Variants in SEMA3G observed in about 807,000 individuals in gnomAD.
SEMA3G encodes semaphorin-3G.
In SEMA3G, 70 loss-of-function variants were observed where a neutral mutation model predicts 86.2. The observed-to-expected ratio is 0.81, with a 90% CI of 0.67 to 0.99. The LOEUF (loss-of-function observed/expected upper bound fraction) is 0.99, where lower values mean the gene tolerates loss of function less well. Among genes scored for constraint, SEMA3G ranks in the 50% least tolerant of loss-of-function variants. The pLI is 0.00. For synonymous variants in SEMA3G, 416 were observed against 441.4 expected (o/e 0.94, Z 0.72); for missense variants, 1,002 against 1,072.4 (o/e 0.93, Z 0.92).
chr3:52,437,781 G>A (rs1331286876), intron 14 of SEMA3G, 115 bp from the exon 15 acceptor site: 21 of 1,287,928 alleles, frequency 1.6e-5, no homozygotes, highest in Non-Finnish European at 2.2e-5. Flanking sequence ...TTAGGCATGC[G>A]TGGATCCCCA....
In SEMA3G at chr3:52,437,518, C is replaced by T; in HGVS notation, c.1878+9G>A. 7.5e-6 allele frequency: 12 copies of T among 1,609,592 alleles called. No individual in the cohort carries two copies. The highest frequency in any genetic ancestry group is 9.3e-6 in the Non-Finnish European group (11 of 1,177,762). ...CACAGAGGCTAGAGGCAGGGGTCTC[C>T]TCACTCACCTGGTCAGGCCCCTCAT... On this transcript the variant is annotated intron_variant, in intron 15 of 15. Coordinates refer to ENST00000231721, the MANE Select transcript of SEMA3G (RefSeq NM_020163.3).
intron 1 of SEMA3G, among the ~76,000 whole-genome samples, chr3:52,444,010 G>C (rs1334868135): frequency 6.6e-6 from 1 of 152,200 alleles, no homozygotes; most frequent in Non-Finnish European, 1.5e-5. Context: ...TGCAAAAAGG[G>C]GAGGTGAAAC....
Position 52,444,933 on chromosome 3 carries a change from C to A in SEMA3G, c.95G>T (p.Arg32Leu). 7.7e-7 allele frequency: 1 copy of A among 1,303,122 alleles called. No homozygotes were observed. The allele number at this position is 1,303,122 out of a possible 1,614,324, so 80.7% of individuals were successfully genotyped here. The change falls in exon 1 of 16, where the codon CGC becomes CTC. Residue 32 changes from arginine (R) to leucine (L), a missense_variant. By Grantham distance (102) the Arg-to-Leu change is moderately radical (BLOSUM62 -2). Coordinates refer to ENST00000231721, the MANE Select transcript of SEMA3G (RefSeq NM_020163.3). ...SGPSPGPSVP[R>L]LRLSYRDLLS... ...GGTACCTCGGTAGGAGAGCCGCAGG[C>A]GGGGCACACTGGGGCCGGGGCTGGG...
chr3:52,440,163 T>C (rs1429782895), intron 10 of SEMA3G, 65 bp from the exon 11 acceptor site: 5 of 1,381,770 alleles, frequency 3.6e-6, no homozygotes, highest in Non-Finnish European at 4.9e-6. Flanking sequence ...CCACCGCCAG[T>C]CTGTTTCCAC....
intron 7 of SEMA3G, 73 bp downstream of exon 7, chr3:52,441,191 T>TG (rs1706146977): frequency 2.6e-6 from 4 of 1,555,448 alleles, no homozygotes; most frequent in Non-Finnish European, 2.6e-6. Context: ...TGGCCAGGGG[T>TG]GGGGGGAGAA....
At chr3:52,444,521 C>A (rs1289391795) in intron 1 of SEMA3G, among the ~76,000 whole-genome samples, 3 of 135,776 alleles carry the variant, frequency 2.2e-5, no homozygotes, top group Non-Finnish European at 4.7e-5. Context: ...CACACAAACT[C>A]GGCACACGCA....
Position 52,442,276 on chromosome 3 carries a change from A to T in SEMA3G, c.368T>A (p.Leu123Gln). Residue 123 changes from leucine to glutamine, a missense_variant, in exon 4 of 16, where the codon CTA becomes CAA. Coordinates refer to ENST00000231721, the MANE Select transcript of SEMA3G (RefSeq NM_020163.3). The surrounding 1 kb of genome is among the most constrained non-coding windows in gnomAD (Gnocchi z 6.1). ...CAGGTGGGTCCGGTTGTGAGGCTGTAGCACCCGCACGAAGTTGGCGCACTC... is the reference window on the plus strand; with the variant it reads ...CAGGTGGGTCCGGTTGTGAGGCTGTTGCACCCGCACGAAGTTGGCGCACTC... ...LTECANFVRV[L>Q]QPHNRTHLLA... 2 of 1,613,288 alleles carry T rather than the reference A, an allele frequency of 1.2e-6. No individual in the cohort carries two copies. Among genetic ancestry groups the T allele is most frequent in the South Asian group, 2.2e-5 (2 of 91,068 alleles).
intron 9 of SEMA3G, 57 bp from the exon 10 acceptor site, chr3:52,440,578 CA>C: frequency 6.4e-7 from 1 of 1,562,322 alleles, no homozygotes; most frequent in Non-Finnish European, 8.7e-7. Flanking sequence ...AAGAAGGGAA[CA>C]GCCTGGTTCC....
rs1705997137 is a variant in SEMA3G at position 52,433,908 on chromosome 3, C to T, written c.*1695G>A. The T allele has an allele frequency of 6.6e-6, 1 of 152,334 alleles. No homozygotes were observed. Among genetic ancestry groups the T allele is most frequent in the African/African-American group, 2.4e-5 (1 of 41,432 alleles). The allele number at this position is 152,334 out of a possible 1,614,324, so 9.4% of individuals were successfully genotyped here. On this transcript the variant is annotated 3_prime_UTR_variant, in exon 16 of 16. Transcript: ENST00000231721. ...ACCTCCCAGCAGACAGCACCGCAGG[C>T]TGGAAGGCTTCTCAGGGCGTTGATA...
intron 1 of SEMA3G, among the ~76,000 whole-genome samples, chr3:52,444,672 ACGGCACACGCAAACT>A (rs1706227536): frequency 7.3e-6 from 1 of 137,580 alleles, no homozygotes; most frequent in Non-Finnish European, 1.6e-5. Flanking sequence ...GCACACAAAC[ACGGCACACGCAAACT>A]CGGCACACGC....
chr3:52,441,244 C>G lies in SEMA3G; in HGVS notation c.813+20G>C. The G allele has an allele frequency of 6.2e-7, 1 of 1,609,432 alleles. No homozygotes were observed. The highest frequency in any genetic ancestry group is 8.5e-7 in the Non-Finnish European group (1 of 1,177,932). ...GGTGTAGCAGGGACTTGAACCTCAC[C>G]ACCCCTTCCCAGCTCTTACCACGCA... On this transcript the variant is annotated intron_variant, in intron 7 of 15. Coordinates refer to ENST00000231721, the MANE Select transcript of SEMA3G (RefSeq NM_020163.3).
In SEMA3G at chr3:52,441,843, G is replaced by C. The variant is rs746690063; in HGVS notation, c.526C>G (p.Arg176Gly). The C allele has an allele frequency of 6.2e-7, 1 of 1,603,188 alleles. No individual in the cohort carries two copies. The highest frequency in any genetic ancestry group is 1.1e-5 in the South Asian group (1 of 89,664). ...GRGRCPHEPSRPFASTFIDGE... is the reference protein window; with the variant it reads ...GRGRCPHEPSGPFASTFIDGE... ...CCTATGAAGGTGCTGGCAAAGGGAC[G>C]GCTGGGCTCGTGAGGGCACCGCCCC... is the stretch of plus-strand genomic sequence containing the variant. The change falls in exon 5 of 16, where the codon CGT becomes GGT. Residue 176 changes from arginine (R) to glycine (G), a missense_variant. Coordinates refer to ENST00000231721, the MANE Select transcript of SEMA3G (RefSeq NM_020163.3).
At chr3:52,444,328 G>A (rs905247960) in intron 1 of SEMA3G, among the ~76,000 whole-genome samples, 9 of 151,578 alleles carry the variant, frequency 5.9e-5, no homozygotes, top group Non-Finnish European at 1.0e-4. Flanking sequence ...GCCTCCCACC[G>A]CCACCCTGGT....
chr3:52,441,705 G>A lies in SEMA3G; in HGVS notation c.551-15C>T. 6.2e-7 allele frequency: 1 copy of A among 1,609,026 alleles called. No individual in the cohort carries two copies. ...CAGCTCCCCGTCTGGGGTGGGGGTT[G>A]GGGAACAGAGTCAGGGGAGGAGGCC... On this transcript the variant is annotated splice_polypyrimidine_tract_variant and intron_variant, in intron 5 of 15. Coordinates refer to ENST00000231721, the MANE Select transcript of SEMA3G (RefSeq NM_020163.3).
At chr3:52,437,354 G>T (rs1422564721) in intron 15 of SEMA3G, among the ~76,000 whole-genome samples, 173 bp downstream of exon 15, 1 of 152,048 alleles carries the variant, frequency 6.6e-6, no homozygotes, top group African/African-American at 2.4e-5. Context: ...TTCCCAAAAG[G>T]CAAAAATAGG....
intron 6 of SEMA3G, 66 bp from the exon 7 acceptor site, chr3:52,441,475 G>C (rs1441216504): frequency 5.0e-6 from 8 of 1,595,148 alleles, no homozygotes; most frequent in Non-Finnish European, 6.9e-6. Context: ...GTAGAACCCA[G>C]TGGGGAGAGG....
intron 15 of SEMA3G, among the ~76,000 whole-genome samples, chr3:52,436,742 T>C (rs1161985642): frequency 6.6e-6 from 1 of 152,188 alleles, no homozygotes; most frequent in Non-Finnish European, 1.5e-5. Context: ...TGCACATCTG[T>C]GTGTTGGGGG....
Position 52,440,379 on chromosome 3 carries a change from C to T in SEMA3G, c.1141G>A (p.Val381Met), listed in dbSNP as rs760085900. 20 of 1,600,926 alleles carry T rather than the reference C, an allele frequency of 1.2e-5. No homozygotes were observed. The highest frequency in any genetic ancestry group is 9.4e-5 in the African/African-American group (7 of 74,682). The change falls in exon 10 of 16, where the codon GTG (valine) becomes ATG (methionine). Residue 381 changes from valine (V) to methionine (M), a missense_variant and splice_region_variant. Transcript: ENST00000231721. ...GGKVPFPRPGVCPSKMTAQPG... is the reference protein window; with the variant it reads ...GGKVPFPRPGMCPSKMTAQPG... ...GCCTGGCCCCAGCAGATACTCACCA[C>T]GCCAGGGCGAGGGAAGGGCACCTTG... is the stretch of plus-strand genomic sequence containing the variant.
rs903208341 is a variant in SEMA3G, at chr3:52,442,002, G to T, written c.460-93C>A. 1.9e-4 allele frequency: 246 copies of T among 1,324,976 alleles called. No homozygotes were observed. The highest frequency in any genetic ancestry group is 3.5e-5 in the Non-Finnish European group (34 of 958,638). The allele number at this position is 1,324,976 out of a possible 1,614,324, so 82.1% of individuals were successfully genotyped here. A position where few individuals can be genotyped will look rare whatever the true frequency, so the allele number is the denominator to read the frequency against. On this transcript the variant is annotated intron_variant, in intron 4 of 15. Transcript: ENST00000231721. The surrounding 1 kb of genome is among the most constrained non-coding windows in gnomAD (Gnocchi z 6.1). ...GCAGGAGCCCTCGCGTGCGGCCAGA[G>T]AGCGGGGGTGGGCGGAAGGCGTCCT...
Sources: allele counts gnomAD v4.1 joint callset (sites outside exome capture counted in the v4.1 genomes callset), GRCh38; gene constraint gnomAD v4.1.1; non-coding constraint Gnocchi (gnomAD v3.1); transcripts MANE v1.5; gene names NCBI Gene and HGNC (gene_info 2026-07-23, HGNC 2026-07-21).